The following RIF1 variants were observed in gnomAD, a reference collection of about 807,000 sequenced individuals.
RIF1 encodes the protein telomere-associated protein RIF1.
Under a neutral mutation model 247.1 loss-of-function variants are expected in RIF1, and 45 were observed. That is an observed-to-expected ratio of 0.18 (90% confidence interval 0.14 to 0.23). The LOEUF is 0.23. Ranked by LOEUF, RIF1 falls within the 10% of genes least tolerant of loss-of-function variation. The pLI, the probability that RIF1 is intolerant of heterozygous loss-of-function variation, is 1.00. For synonymous variants in RIF1, 1,087 were observed against 978.8 expected (o/e 1.11, Z -2.06); for missense variants, 2,967 against 2,862.5 (o/e 1.04, Z -0.83).
chr2:151,519,976 G>A, the RIF1 span: 7 of 411,890 alleles, frequency 1.7e-5, no homozygotes, highest in Non-Finnish European at 2.6e-5. Context: ...TATGATCACT[G>A]GCCTTGCTCA....
Position 151,420,339 on chromosome 2 carries a change from A to G in RIF1, c.653A>G (p.Gln218Arg). 1 of 1,614,210 alleles carries G rather than the reference A, an allele frequency of 6.2e-7. No individual in the cohort carries two copies. Among genetic ancestry groups the G allele is most frequent in the Non-Finnish European group, 8.5e-7 (1 of 1,180,028 alleles). Reference sequence around the variant, plus strand: ...GGAATGCCATTATTGCTTCAGAAACAGCAAGAAATAGCATCTATTACGGAG... The same window carrying G: ...GGAATGCCATTATTGCTTCAGAAACGGCAAGAAATAGCATCTATTACGGAG... ...EMGMPLLLQK[Q>R]QEIASITEQL... Residue 218 changes from glutamine (Q) to arginine (R), a missense_variant, in exon 7 of 36, where the codon CAG (glutamine) becomes CGG (arginine). Gln to Arg is a conservative substitution (Grantham distance 43, BLOSUM62 1). Transcript: ENST00000444746.
At position 151,482,168 on chromosome 2, in the gene RIF1, C is replaced by T. The variant is rs1009088555; in HGVS notation, c.*7097C>T. ...TTTACCTGAAATAAAACTATAAAAA[C>T]TAAACTCTGGTACTTGTTTTTGTTG... is the stretch of plus-strand genomic sequence containing the variant. On this transcript the variant is annotated 3_prime_UTR_variant, in exon 36 of 36. Transcript: ENST00000444746. 2.0e-5 allele frequency: 3 copies of T among 152,172 alleles called. No individual in the cohort carries two copies. Among genetic ancestry groups the T allele is most frequent in the Admixed American group, 1.3e-4 (2 of 15,278 alleles). 9.4% of individuals were successfully genotyped at this position (152,172 alleles called of 1,614,324 possible). A position where few individuals can be genotyped will look rare whatever the true frequency, so the allele number is the denominator to read the frequency against.
intron 34 of RIF1, among the ~76,000 whole-genome samples, chr2:151,471,894 CA>C (rs1192193426): frequency 6.6e-6 from 1 of 152,002 alleles, no homozygotes; most frequent in African/African-American, 2.4e-5. Context: ...TAGTTTTTTC[CA>C]ATTCTGTGAA....
chr2:151,425,762 G>T (rs1389897352), intron 8 of RIF1, among the ~76,000 whole-genome samples: 1 of 146,908 alleles, frequency 6.8e-6, no homozygotes, highest in Middle Eastern at 3.5e-3. Flanking sequence ...TGTCTCCTGG[G>T]TTCAAGCAAT....
chr2:151,451,107 T>C (rs1694236297), intron 20 of RIF1, among the ~76,000 whole-genome samples: 1 of 152,196 alleles, frequency 6.6e-6, no homozygotes, highest in African/African-American at 2.4e-5. Context: ...GAAAAAGATT[T>C]GTAATCATGT....
At chr2:151,451,730 G>A in intron 21 of RIF1, 25 bp downstream of exon 21, 1 of 1,194,470 alleles carries the variant, frequency 8.4e-7, no homozygotes, top group South Asian at 1.2e-5. Context: ...TTTAACCTTT[G>A]TTTGTCCAGT....
At position 151,442,003 on chromosome 2, in the gene RIF1, A is replaced by G; in HGVS notation, c.1734+12A>G. Reference sequence around the variant, plus strand: ...TGGATATTCTTAATGCAAGTATCTTAAATGTAATATGATGAAGATTGGCCA... The same window carrying G: ...TGGATATTCTTAATGCAAGTATCTTGAATGTAATATGATGAAGATTGGCCA... On this transcript the variant is annotated intron_variant, in intron 16 of 35. Transcript: ENST00000444746. 1.7e-6 allele frequency: 2 copies of G among 1,192,028 alleles called. No individual in the cohort carries two copies. The highest frequency in any genetic ancestry group is 2.7e-5 in the East Asian group (1 of 37,130). The allele number at this position is 1,192,028 out of a possible 1,614,324, so 73.8% of individuals were successfully genotyped here.
chr2:151,504,727 C>T (rs986148914), intron 12 of RIF1, among the ~76,000 whole-genome samples: 1 of 152,090 alleles, frequency 6.6e-6, no homozygotes, highest in Admixed American at 6.6e-5. Context: ...CTAGAATCTG[C>T]GTATGGATGG....
At chr2:151,453,784 G>T (rs1372737924) in intron 21 of RIF1, among the ~76,000 whole-genome samples, 1 of 152,118 alleles carries the variant, frequency 6.6e-6, no homozygotes, top group Non-Finnish European at 1.5e-5. Flanking sequence ...GCATCTGCCA[G>T]GTTTTCCACT....
At chr2:151,505,674 CAG>C (rs2068250237) in intron 12 of RIF1, 4 of 948,782 alleles carry the variant, frequency 4.2e-6, no homozygotes, top group South Asian at 2.7e-5. Flanking sequence ...AAAAAATTAA[CAG>C]TGTAAATAAC....
At chr2:151,530,020 G>C in the RIF1 span, among the ~76,000 whole-genome samples, 2 of 152,266 alleles carry the variant, frequency 1.3e-5, no homozygotes, top group Middle Eastern at 3.4e-3. Context: ...TGCTCCGGCA[G>C]TTATAGCTAT....
At chr2:151,526,252 T>G in the RIF1 span, 2 of 1,610,666 alleles carry the variant, frequency 1.2e-6, no homozygotes, top group African/African-American at 2.7e-5. Flanking sequence ...ATGTTTCTCT[T>G]TGTATTTCAG....
chr2:151,471,547 T>C (rs1473443519), intron 34 of RIF1, among the ~76,000 whole-genome samples: 1 of 152,228 alleles, frequency 6.6e-6, no homozygotes, highest in African/African-American at 2.4e-5. Flanking sequence ...AATTTTTGTA[T>C]AAGGTGTAAG....
chr2:151,490,606 TA>T, intron 9 of RIF1: 5 of 1,471,320 alleles, frequency 3.4e-6, no homozygotes, highest in Non-Finnish European at 4.6e-6. Flanking sequence ...CAGTTATTGT[TA>T]TCTTTGCCAA....
intron 29 of RIF1, 52 bp downstream of exon 29, chr2:151,462,518 A>G: frequency 8.4e-7 from 1 of 1,184,350 alleles, no homozygotes; most frequent in Non-Finnish European, 1.2e-6. Context: ...CTTCCATTAT[A>G]CAGTCTGTTA....
intron 3 of RIF1, among the ~76,000 whole-genome samples, chr2:151,412,396 A>G (rs545148990): frequency 6.6e-6 from 1 of 151,970 alleles, no homozygotes; most frequent in East Asian, 1.9e-4. Context: ...AGGTTGCCTA[A>G]GCCAGTCTTG....
intron 10 of RIF1, among the ~76,000 whole-genome samples, chr2:151,495,663 A>AAAC (rs1553541923): frequency 3.3e-5 from 5 of 151,526 alleles, no homozygotes; most frequent in Non-Finnish European, 5.9e-5. Flanking sequence ...CAGTAAAACT[A>AAAC]AAGAACAACA....
At chr2:151,513,655 T>C in the RIF1 span, 1 of 1,608,564 alleles carries the variant, frequency 6.2e-7, no homozygotes, top group African/African-American at 1.3e-5. Context: ...TCAGGCCTCT[T>C]CCTTTGACTT....
the RIF1 span, chr2:151,529,277 T>C: frequency 6.2e-7 from 1 of 1,613,602 alleles, no homozygotes; most frequent in Non-Finnish European, 8.5e-7. Context: ...AATGGTGCAG[T>C]TGGATTTATT....
Sources: gnomAD v4.1 joint callset for allele counts (sites outside exome capture counted in the v4.1 genomes callset) on GRCh38, gnomAD v4.1.1 for gene constraint, MANE v1.5 for transcripts, NCBI Gene and HGNC (gene_info 2026-07-23, HGNC 2026-07-21) for gene names.